Variants in ATXN7 observed in about 807,000 individuals in gnomAD.
The protein encoded by ATXN7 is ataxin-7.
ATXN7 carries 12 observed loss-of-function variants against 70.5 expected under a neutral mutation model. The ratio of observed to expected loss-of-function variants is 0.17; its 90% confidence interval spans 0.11 to 0.28. The LOEUF is 0.28. Ranked by LOEUF, ATXN7 falls within the 10% of genes least tolerant of loss-of-function variation. The pLI is 1.00. For missense variants in ATXN7, 1,256 were observed against 1,131.7 expected, an observed-to-expected ratio of 1.11 and a Z score of -1.58; for synonymous variants, 498 against 448.7, an observed-to-expected ratio of 1.11 and a Z score of -1.39.
intron 6 of ATXN7, among the ~76,000 whole-genome samples, 161 bp from the exon 7 acceptor site, chr3:63,982,025 T>C (rs1040869502): frequency 1.3e-5 from 2 of 152,168 alleles, no homozygotes; most frequent in African/African-American, 4.8e-5. Context: ...ACTTAATCAG[T>C]ATGAACCTTA....
At position 63,996,122 on chromosome 3, in the gene ATXN7, C is replaced by T. The variant is rs1369874836; in HGVS notation, c.2300C>T (p.Ala767Val). 1.3e-5 allele frequency: 21 copies of T among 1,614,030 alleles called. No individual in the cohort carries two copies. Among genetic ancestry groups the T allele is most frequent in the Middle Eastern group, 1.6e-4 (1 of 6,084 alleles). Residue 767 changes from alanine (A) to valine (V), a missense_variant, in exon 12 of 13, where the codon GCG (alanine) becomes GTG (valine). By Grantham distance (64) the Ala-to-Val change is moderately conservative. Transcript: ENST00000674280. ...AACTGTGTGACGAATAAAGCAAATG[C>T]GGTGAACGTCCGGCATGACCAGTCA... ...GLNCVTNKANAVNVRHDQSGR... is the reference protein window; with the variant it reads ...GLNCVTNKANVVNVRHDQSGR...
At chr3:63,881,210 A>C (rs1323722112) in intron 1 of ATXN7, among the ~76,000 whole-genome samples, 1 of 152,210 alleles carries the variant, frequency 6.6e-6, no homozygotes, top group Non-Finnish European at 1.5e-5. Context: ...TGGTCTGTTT[A>C]ATTCAAAAAA....
At chr3:63,944,949 A>G (rs1016722370) in intron 4 of ATXN7, among the ~76,000 whole-genome samples, 5 of 151,948 alleles carry the variant, frequency 3.3e-5, no homozygotes, top group African/African-American at 9.7e-5. Flanking sequence ...AAACCACCAC[A>G]CCCAACTAAT....
At chr3:63,899,361 C>T (rs976052139) in intron 2 of ATXN7, among the ~76,000 whole-genome samples, 2 of 152,122 alleles carry the variant, frequency 1.3e-5, no homozygotes, top group Non-Finnish European at 2.9e-5. Context: ...CAACGCCTGG[C>T]ACATTAATGT....
intron 4 of ATXN7, among the ~76,000 whole-genome samples, chr3:63,916,790 T>A (rs1054277699): frequency 5.3e-5 from 8 of 152,380 alleles, no homozygotes; most frequent in African/African-American, 1.9e-4. Flanking sequence ...GAGGTCAACC[T>A]AGTTTTGTTT....
chr3:63,990,211 C>A lies in ATXN7; in HGVS notation c.1397C>A (p.Ala466Asp). The change falls in exon 10 of 13, where the codon GCC (alanine) becomes GAC (aspartate). Residue 466 changes from alanine to aspartate, a missense_variant. Coordinates refer to ENST00000674280, the MANE Select transcript of ATXN7 (RefSeq NM_001377405.1). ...TGCCCTGCTCAGCAAGGTGGGAGTG[C>A]CCCCATTGACCCTCCTCCAGTCCAT... ...PGCPAQQGGS[A>D]PIDPPPVHES... 6.2e-7 allele frequency: 1 copy of A among 1,613,536 alleles called. No individual in the cohort carries two copies. The highest frequency in any genetic ancestry group is 8.5e-7 in the Non-Finnish European group (1 of 1,180,012).
chr3:63,941,633 T>G (rs1419794604), intron 4 of ATXN7, among the ~76,000 whole-genome samples: 1 of 152,134 alleles, frequency 6.6e-6, no homozygotes, highest in Non-Finnish European at 1.5e-5. Context: ...TCACTTTATT[T>G]TCTTTAAATC....
intron 11 of ATXN7, among the ~76,000 whole-genome samples, chr3:63,991,767 T>C (rs980299363): frequency 1.3e-5 from 2 of 152,044 alleles, no homozygotes; most frequent in Middle Eastern, 3.4e-3. Context: ...CCAAACAGGA[T>C]TTTAAGTGGA....
rs371910514 is a variant in ATXN7 at position 63,913,200 on chromosome 3, C to T, written c.369C>T (p.Arg123=). The T allele has an allele frequency of 1.9e-6, 3 of 1,613,746 alleles. No individual in the cohort carries two copies. Among genetic ancestry groups the T allele is most frequent in the African/African-American group, 2.7e-5 (2 of 74,794 alleles). ...DESFKEFGKN[R]EVMGLCREDM... is the part of the protein sequence containing the mutation. ...GTTTCAAGGAGTTTGGGAAAAACCG[C>T]GAAGTCATGGGGCTCTGTCGGGAAG... Residue 123 remains arginine (R), a synonymous_variant, in exon 4 of 13, where the codon CGC becomes CGT. Transcript: ENST00000674280.
chr3:63,939,728 C>T (rs937781509), intron 4 of ATXN7, among the ~76,000 whole-genome samples: 8 of 152,270 alleles, frequency 5.3e-5, no homozygotes, highest in Admixed American at 3.3e-4. Flanking sequence ...TTCAACCTCT[C>T]CTCCCCAACT....
chr3:63,887,245 T>C (rs1314246890), intron 1 of ATXN7, among the ~76,000 whole-genome samples: 1 of 152,232 alleles, frequency 6.6e-6, no homozygotes, highest in East Asian at 1.9e-4. Flanking sequence ...ATAAAAGATC[T>C]CTGTCTGAAA....
At chr3:63,879,706 A>G (rs191559244) in intron 1 of ATXN7, among the ~76,000 whole-genome samples, 1 of 152,050 alleles carries the variant, frequency 6.6e-6, no homozygotes, top group Admixed American at 6.6e-5. Context: ...TGGCCAAGCT[A>G]GTCTCGAACT....
intron 1 of ATXN7, among the ~76,000 whole-genome samples, chr3:63,875,627 CTT>C (rs1344481527): frequency 1.3e-5 from 2 of 152,140 alleles, no homozygotes; most frequent in Non-Finnish European, 2.9e-5. Context: ...TCGATCTGGC[CTT>C]TTTTATTTCT....
intron 1 of ATXN7, among the ~76,000 whole-genome samples, chr3:63,896,026 C>G (rs944398397): frequency 5.6e-4 from 85 of 152,108 alleles, no homozygotes; most frequent in Non-Finnish European, 5.9e-5. Flanking sequence ...TTGACTGTCT[C>G]AGTTTGTGTC....
intron 2 of ATXN7, among the ~76,000 whole-genome samples, chr3:63,908,772 G>A (rs1346653079): frequency 6.6e-6 from 1 of 152,132 alleles, no homozygotes; most frequent in Non-Finnish European, 1.5e-5. Context: ...TTTGGCCTTG[G>A]AACAAAACAT....
In ATXN7 at chr3:63,995,933, G is replaced by A; in HGVS notation, c.2111G>A (p.Gly704Glu). 1 of 1,614,168 alleles carries A rather than the reference G, an allele frequency of 6.2e-7. No individual in the cohort carries two copies. The highest frequency in any genetic ancestry group is 8.5e-7 in the Non-Finnish European group (1 of 1,180,046). The change falls in exon 12 of 13, where the codon GGA (glycine) becomes GAA (glutamate). Residue 704 changes from glycine (G) to glutamate (E), a missense_variant. Transcript: ENST00000674280. Reference sequence around the variant, plus strand: ...AGTAGCAGTACCAGTGGCGGCTCAGGAAAGAAACGCAAAAACAGTTCCCCA... The same window carrying A: ...AGTAGCAGTACCAGTGGCGGCTCAGAAAAGAAACGCAAAAACAGTTCCCCA... ...NASSSTSGGS[G>E]KKRKNSSPLL...
At chr3:63,905,367 C>G (rs527704653) in intron 2 of ATXN7, 1 of 150,970 alleles carries the variant, frequency 6.6e-6, no homozygotes, top group African/African-American at 2.5e-5. Flanking sequence ...CGTGCCACCA[C>G]GCCCAGCTAA....
chr3:63,974,180 T>A (rs1276793748), intron 5 of ATXN7, among the ~76,000 whole-genome samples: 1 of 152,206 alleles, frequency 6.6e-6, no homozygotes, highest in Non-Finnish European at 1.5e-5. Context: ...CTACACTGGC[T>A]GACACACCCA....
intron 5 of ATXN7, among the ~76,000 whole-genome samples, chr3:63,954,813 A>G (rs957216790): frequency 1.3e-5 from 2 of 150,924 alleles, no homozygotes; most frequent in Non-Finnish European, 2.9e-5. Flanking sequence ...GGTTCAAGCA[A>G]TTCTCCTGCC....
Sources: gnomAD v4.1 joint callset for allele counts (sites outside exome capture counted in the v4.1 genomes callset) on GRCh38, gnomAD v4.1.1 for gene constraint, MANE v1.5 for transcripts, NCBI Gene and HGNC (gene_info 2026-07-23, HGNC 2026-07-21) for gene names.